Variants in HEATR4 observed in about 807,000 individuals in gnomAD.
The protein encoded by HEATR4 is HEAT repeat containing 4.
HEATR4 carries 95 observed loss-of-function variants against 108.8 expected under a neutral mutation model. The ratio of observed to expected loss-of-function variants is 0.87; its 90% CI spans 0.74 to 1.04. HEATR4 has a LOEUF of 1.04. Ranked by LOEUF, HEATR4 falls within the 50% of genes least tolerant of loss-of-function variation. HEATR4 has a pLI of 0.00. For missense variants in HEATR4, 1,152 were observed against 1,253.8 expected (o/e 0.92, Z 1.23); for synonymous variants, 443 against 459.4 (o/e 0.96, Z 0.46).
Position 73,514,250 on chromosome 14 carries a change from G to C in HEATR4, c.1211-16C>G, listed in dbSNP as rs914874410. On this transcript the variant is annotated splice_polypyrimidine_tract_variant and intron_variant, in intron 5 of 17. Transcript: ENST00000553558. ...GGTCTGTAAGCTGTGCAACGTGGCA[G>C]TGTGAGGTCTTTTCACCCCACTGCC... 1 of 1,610,386 alleles carries C rather than the reference G, an allele frequency of 6.2e-7. No individual in the cohort carries two copies. Among genetic ancestry groups the C allele is most frequent in the Non-Finnish European group, 8.5e-7 (1 of 1,177,430 alleles).
At chr14:73,513,526 G>C (rs989750372) in intron 6 of HEATR4, among the ~76,000 whole-genome samples, 1 of 151,600 alleles carries the variant, frequency 6.6e-6, no homozygotes, top group Non-Finnish European at 1.5e-5. Flanking sequence ...AGGAGTTTGA[G>C]ACCACTCTGG....
chr14:73,532,037 A>C lies in HEATR4; in HGVS notation c.-151-1793T>G, dbSNP rs200052551. Among the ~76,000 whole-genome samples the C allele has an allele frequency of 2.6e-5, 3 of 113,626 alleles. 1 individual carries two copies. The highest frequency in any genetic ancestry group is 5.7e-5 in the Non-Finnish European group (3 of 52,254). The allele number at this position is 113,626 out of a possible 152,430, so 74.5% of individuals were successfully genotyped here. On this transcript the variant is annotated intron_variant, in intron 1 of 17. Transcript: ENST00000553558. ...GCAAGAGTGAAGTGCAGTCTCAAAA[A>C]ATAAAAATAAAAAAACCCTCTAGAT...
rs953614964 is a variant in HEATR4, at chr14:73,522,366, C to G, written c.787G>C (p.Glu263Gln). The G allele has an allele frequency of 6.2e-7, 1 of 1,614,102 alleles. No homozygotes were observed. The highest frequency in any genetic ancestry group is 8.5e-7 in the Non-Finnish European group (1 of 1,180,048). ...TCAAACTCTGCTGTCTCTTCTGCCT[C>G]CAGCTGTTTCAGGAGCTCCAGGTCA... ...ASDLELLKQL[E>Q]AEETAEFEDQ... Residue 263 changes from glutamate (E) to glutamine (Q), a missense_variant, in exon 3 of 18, where the codon GAG becomes CAG. Physicochemically the swap from Glu to Gln is conservative, Grantham distance 29 (BLOSUM62 2). Coordinates refer to ENST00000553558, the MANE Select transcript of HEATR4 (RefSeq NM_001220484.1).
At chr14:73,627,092 A>C in the HEATR4 span, among the ~76,000 whole-genome samples, 290 of 151,694 alleles carry the variant, frequency 1.9e-3, 3 homozygotes, top group Middle Eastern at 0.01. Flanking sequence ...ATGCCCAGCC[A>C]AAACAGCCTT....
Position 73,511,992 on chromosome 14 carries a change from G to A in HEATR4, c.1558+14C>T. 1 of 1,613,784 alleles carries A rather than the reference G, an allele frequency of 6.2e-7. No individual in the cohort carries two copies. Among genetic ancestry groups the A allele is most frequent in the Non-Finnish European group, 8.5e-7 (1 of 1,179,864 alleles). ...GTTGCTTATGTTCTCAAGCAGTTCAGCTTTGGCTCTCACCTGAGTCTCTCT... is the reference window on the plus strand; with the variant it reads ...GTTGCTTATGTTCTCAAGCAGTTCAACTTTGGCTCTCACCTGAGTCTCTCT... On this transcript the variant is annotated intron_variant, in intron 7 of 17. Transcript: ENST00000553558.
In HEATR4 at chr14:73,499,092, T is replaced by A. The variant is rs766774208; in HGVS notation, c.2335A>T (p.Ile779Phe). Residue 779 changes from isoleucine (I) to phenylalanine (F), a missense_variant, in exon 13 of 18, where the codon ATC (isoleucine) becomes TTC (phenylalanine). Physicochemically the swap from Ile to Phe is conservative, Grantham distance 21. Coordinates refer to ENST00000553558, the MANE Select transcript of HEATR4 (RefSeq NM_001220484.1). ...ATACCTCGAATGGCAAAGGCCTTGA[T>A]TTTCCAGTAAGGATCTCTCTGCATC... ...NLMQRDPYWK[I>F]KAFAIRALGQ... The A allele has an allele frequency of 1.2e-5, 20 of 1,613,976 alleles. No individual in the cohort carries two copies. Among genetic ancestry groups the A allele is most frequent in the Non-Finnish European group, 1.6e-5 (19 of 1,179,994 alleles).
At chr14:73,503,045 A>G in intron 10 of HEATR4, 32 bp from the exon 11 acceptor site, 1 of 1,504,050 alleles carries the variant, frequency 6.6e-7, no homozygotes, top group African/African-American at 1.4e-5. Flanking sequence ...AGGTATCATC[A>G]CTTAATGAAT....
At chr14:73,566,321 C>T in the HEATR4 span, among the ~76,000 whole-genome samples, 1 of 152,216 alleles carries the variant, frequency 6.6e-6, no homozygotes, top group South Asian at 2.1e-4. Context: ...GCCAGTCCCG[C>T]ACCGTGAGCC....
At chr14:73,610,540 C>T in the HEATR4 span, among the ~76,000 whole-genome samples, 1 of 152,170 alleles carries the variant, frequency 6.6e-6, no homozygotes, top group Non-Finnish European at 1.5e-5. Flanking sequence ...ATCCGCCCCC[C>T]TCGGCCTCCC....
chr14:73,602,054 C>T, the HEATR4 span, among the ~76,000 whole-genome samples: 12 of 152,162 alleles, frequency 7.9e-5, no homozygotes, highest in East Asian at 3.9e-4. Flanking sequence ...GATTCTCCTG[C>T]CTCAGCCTCC....
the HEATR4 span, among the ~76,000 whole-genome samples, chr14:73,614,970 G>A: frequency 6.6e-6 from 1 of 150,864 alleles, no homozygotes; most frequent in Non-Finnish European, 1.5e-5. Context: ...GGTGGTGGGT[G>A]CCTGTAATCT....
At chr14:73,590,686 G>GC in the HEATR4 span, among the ~76,000 whole-genome samples, 1 of 152,056 alleles carries the variant, frequency 6.6e-6, no homozygotes, top group Non-Finnish European at 1.5e-5. Flanking sequence ...CAGGTGCTAA[G>GC]CCCCTCACTG....
chr14:73,599,340 ATTG>A, the HEATR4 span, among the ~76,000 whole-genome samples: 1 of 152,144 alleles, frequency 6.6e-6, no homozygotes, highest in Non-Finnish European at 1.5e-5. Context: ...TCAGTTATCT[ATTG>A]TTGTGTAGCA....
Position 73,492,878 on chromosome 14 carries a change from T to C in HEATR4, c.2844+188A>G. 1.2e-6 allele frequency: 2 copies of C among 1,613,872 alleles called. No homozygotes were observed. The highest frequency in any genetic ancestry group is 1.7e-6 in the Non-Finnish European group (2 of 1,179,852). On this transcript the variant is annotated intron_variant, in intron 17 of 17. Transcript: ENST00000553558. This position sits in a 1 kb window ranked among gnomAD's most constrained non-coding sequence, Gnocchi z 4.9. The stretch of plus-strand genomic sequence containing the variant: ...CTGTGACAGTGTGGAGGACCAGCTG[T>C]CCTTGGCAACCACGTTGTATGATAA...
At chr14:73,495,520 C>G in intron 15 of HEATR4, 133 bp from the exon 16 acceptor site, 1 of 685,294 alleles carries the variant, frequency 1.5e-6, no homozygotes, top group African/African-American at 1.8e-5. Flanking sequence ...CAGTTCAAGG[C>G]TACAGTGAGC....
the HEATR4 span, among the ~76,000 whole-genome samples, chr14:73,570,211 TG>T: frequency 6.6e-6 from 1 of 151,612 alleles, no homozygotes; most frequent in African/African-American, 2.4e-5. Flanking sequence ...AATGGAAAGC[TG>T]ATTGGGGAAG....
At chr14:73,491,606 A>G (rs1885748545) in intron 17 of HEATR4, 1 of 1,547,152 alleles carries the variant, frequency 6.5e-7, no homozygotes, top group East Asian at 2.4e-5. Context: ...CCGCATCCCC[A>G]GCAGCCGGCG....
chr14:73,622,211 G>A, the HEATR4 span, among the ~76,000 whole-genome samples: 1 of 151,974 alleles, frequency 6.6e-6, no homozygotes, highest in South Asian at 2.1e-4. Flanking sequence ...AGAAAGCAAA[G>A]GCCAAAAAGG....
the HEATR4 span, among the ~76,000 whole-genome samples, chr14:73,620,111 C>T: frequency 6.6e-6 from 1 of 152,074 alleles, no homozygotes; most frequent in African/African-American, 2.4e-5. Flanking sequence ...AAGGTTTCGC[C>T]ATGTTGGCCA....
Sources: allele counts gnomAD v4.1 joint callset (sites outside exome capture counted in the v4.1 genomes callset), GRCh38; gene constraint gnomAD v4.1.1; non-coding constraint Gnocchi (gnomAD v3.1); transcripts MANE v1.5; gene names NCBI Gene and HGNC (gene_info 2026-07-23, HGNC 2026-07-21).